Variants in PTPRN2 observed in about 807,000 individuals in gnomAD.
PTPRN2 encodes receptor-type tyrosine-protein phosphatase N2.
A neutral mutation model predicts 118.8 loss-of-function variants in PTPRN2; 74 were observed. The observed-to-expected ratio is 0.62, with a 90% confidence interval of 0.52 to 0.76. PTPRN2 has a LOEUF of 0.76. Ranked by LOEUF, PTPRN2 falls within the 30% of genes least tolerant of loss-of-function variation. PTPRN2 has a pLI of 0.00. For synonymous variants in PTPRN2, 641 were observed against 608.0 expected, an observed-to-expected ratio of 1.05 and a Z score of -0.80; for missense variants, 1,481 against 1,394.4, an observed-to-expected ratio of 1.06 and a Z score of -0.99.
chr7:158,325,606 C>T (rs946855181), intron 2 of PTPRN2, among the ~76,000 whole-genome samples: 1 of 152,168 alleles, frequency 6.6e-6, no homozygotes, highest in African/African-American at 2.4e-5. Flanking sequence ...GAACAAAGTT[C>T]TTGAATTGTG....
intron 11 of PTPRN2, among the ~76,000 whole-genome samples, chr7:157,932,094 A>C (rs1799393418): frequency 6.6e-6 from 1 of 152,170 alleles, no homozygotes; most frequent in Admixed American, 6.5e-5. Flanking sequence ...ATTTACACTG[A>C]TATTTGTGCT....
At chr7:158,248,290 G>A (rs529562232) in intron 3 of PTPRN2, among the ~76,000 whole-genome samples, 14 of 152,178 alleles carry the variant, frequency 9.2e-5, no homozygotes, top group East Asian at 7.8e-4. Context: ...GTAAGAAGCC[G>A]CTGAGCTGCC....
At position 158,438,935 on chromosome 7, in the gene PTPRN2, G is replaced by A. The variant is rs1012375268; in HGVS notation, c.163+50800C>T. ...AAACCTGCCTCCCATTCTGTTCAAA[G>A]TCACCCCTCTGAGGCTGCCCTGAGA... On this transcript the variant is annotated intron_variant, in intron 2 of 22. Coordinates refer to ENST00000389418, the MANE Select transcript of PTPRN2 (RefSeq NM_002847.5). The surrounding 1 kb of genome is among the most constrained non-coding windows in gnomAD (Gnocchi z 4.7). Among the ~76,000 whole-genome samples the A allele has an allele frequency of 6.6e-6, 1 of 152,160 alleles. No individual in the cohort carries two copies. The highest frequency in any genetic ancestry group is 2.4e-5 in the African/African-American group (1 of 41,442).
At chr7:158,077,096 G>C (rs1812418844) in intron 11 of PTPRN2, among the ~76,000 whole-genome samples, 1 of 152,336 alleles carries the variant, frequency 6.6e-6, no homozygotes, top group South Asian at 2.1e-4. Flanking sequence ...GGCAGCCCTT[G>C]CTCCAGCAGA....
intron 5 of PTPRN2, among the ~76,000 whole-genome samples, chr7:158,181,561 G>T (rs1385480159): frequency 6.6e-6 from 1 of 152,112 alleles, no homozygotes; most frequent in Non-Finnish European, 1.5e-5. Context: ...AATCCATCTG[G>T]TCCTGGGCTT....
intron 11 of PTPRN2, among the ~76,000 whole-genome samples, chr7:158,023,054 G>A (rs994927678): frequency 6.6e-6 from 1 of 152,146 alleles, no homozygotes; most frequent in East Asian, 1.9e-4. Context: ...CAAAAATCAC[G>A]GCACAAAGCA....
chr7:158,171,236 T>TACACAC (rs1563555136), intron 5 of PTPRN2, among the ~76,000 whole-genome samples: 1 of 135,760 alleles, frequency 7.4e-6, no homozygotes, highest in African/African-American at 3.1e-5. Context: ...CACACATATA[T>TACACAC]ATACACATAT....
chr7:158,145,212 C>T (rs1343354958), intron 6 of PTPRN2, among the ~76,000 whole-genome samples: 1 of 149,798 alleles, frequency 6.7e-6, no homozygotes, highest in Non-Finnish European at 1.5e-5. Context: ...CAAGGTTTCC[C>T]TCACATCACG....
At chr7:157,880,196 C>T (rs561325784) in intron 12 of PTPRN2, among the ~76,000 whole-genome samples, 30 of 152,254 alleles carry the variant, frequency 2.0e-4, no homozygotes, top group African/African-American at 6.7e-4. Context: ...AATTTGTTTG[C>T]GTTCACTTAG....
chr7:157,635,164 C>A (rs139896527), intron 14 of PTPRN2, among the ~76,000 whole-genome samples: 1 of 152,228 alleles, frequency 6.6e-6, no homozygotes, highest in Non-Finnish European at 1.5e-5. Context: ...GGCAGGTGTG[C>A]GTTAGGCACT....
chr7:158,026,737 A>G (rs1257200732), intron 11 of PTPRN2, among the ~76,000 whole-genome samples: 1 of 152,062 alleles, frequency 6.6e-6, no homozygotes, highest in Non-Finnish European at 1.5e-5. Context: ...CCCACAAAGC[A>G]CTTCCACTCA....
chr7:158,311,804 T>A (rs1801762904), intron 3 of PTPRN2, among the ~76,000 whole-genome samples: 1 of 152,222 alleles, frequency 6.6e-6, no homozygotes, highest in Admixed American at 6.5e-5. Flanking sequence ...CATATGAACA[T>A]GCTCACGTGT....
chr7:158,355,628 C>T (rs973329211), intron 2 of PTPRN2, among the ~76,000 whole-genome samples: 4 of 152,208 alleles, frequency 2.6e-5, no homozygotes, highest in Non-Finnish European at 5.9e-5. Flanking sequence ...CGCAGCAGTG[C>T]AGAGGGATGT....
chr7:157,725,404 CA>C (rs1778430031), intron 12 of PTPRN2, among the ~76,000 whole-genome samples: 2 of 68,358 alleles, frequency 2.9e-5, no homozygotes, highest in African/African-American at 5.7e-5. Context: ...GATATCTACA[CA>C]CAGAGGAGTG....
Position 157,794,651 on chromosome 7 carries a change from T to C in PTPRN2, c.1788+104022A>G, listed in dbSNP as rs1175387381. On this transcript the variant is annotated intron_variant, in intron 12 of 22. Coordinates refer to ENST00000389418, the MANE Select transcript of PTPRN2 (RefSeq NM_002847.5). The surrounding 1 kb of genome is among the most constrained non-coding windows in gnomAD (Gnocchi z 5.2). The stretch of plus-strand genomic sequence containing the variant: ...CCGTAAGTGGGAAAAGTGGGTGCCT[T>C]CTGTATTTTACATTTTTTATTGTGT... Among the ~76,000 whole-genome samples, 1 of 152,180 alleles carries C rather than the reference T, an allele frequency of 6.6e-6. No individual in the cohort carries two copies. Among genetic ancestry groups the C allele is most frequent in the Non-Finnish European group, 1.5e-5 (1 of 68,046 alleles).
intron 3 of PTPRN2, among the ~76,000 whole-genome samples, chr7:158,294,681 A>T (rs1800343452): frequency 6.6e-6 from 1 of 152,126 alleles, no homozygotes; most frequent in South Asian, 2.1e-4. Flanking sequence ...GGGGAGAGTG[A>T]GAGGCAGGAA....
At chr7:157,624,906 A>G (rs1803478842) in intron 14 of PTPRN2, among the ~76,000 whole-genome samples, 1 of 152,272 alleles carries the variant, frequency 6.6e-6, no homozygotes, top group Admixed American at 6.5e-5. Flanking sequence ...AATCCTATCA[A>G]AAAGTGGGCT....
chr7:158,403,505 G>A (rs73516688), intron 2 of PTPRN2, among the ~76,000 whole-genome samples: 382 of 152,264 alleles, frequency 2.5e-3, no homozygotes, highest in African/African-American at 8.5e-3. Flanking sequence ...TTTGAGAATC[G>A]TGCCCGGAGC....
chr7:158,470,202 G>C (rs1384982300), intron 2 of PTPRN2, among the ~76,000 whole-genome samples: 1 of 152,238 alleles, frequency 6.6e-6, no homozygotes, highest in East Asian at 1.9e-4. Context: ...TCAACAACTG[G>C]GGAAAAAAAC....
Sources: allele counts gnomAD v4.1 joint callset (sites outside exome capture counted in the v4.1 genomes callset), GRCh38; gene constraint gnomAD v4.1.1; non-coding constraint Gnocchi (gnomAD v3.1); transcripts MANE v1.5; gene names NCBI Gene and HGNC (gene_info 2026-07-23, HGNC 2026-07-21).